FARP1: variants seen among roughly 807,000 people sequenced by gnomAD.
The protein encoded by FARP1 is FERM, ARHGEF and pleckstrin domain-containing protein 1.
In FARP1, 52 loss-of-function variants were observed where a neutral mutation model predicts 128.8. The ratio of observed to expected loss-of-function variants is 0.40; its 90% CI spans 0.32 to 0.51. The LOEUF is 0.51. Ranked by LOEUF, FARP1 falls within the 20% of genes least tolerant of loss-of-function variation. FARP1 has a pLI of 0.45. For synonymous variants in FARP1, 580 were observed against 551.8 expected, an observed-to-expected ratio of 1.05 and a Z score of -0.72; for missense variants, 1,333 against 1,367.9, an observed-to-expected ratio of 0.97 and a Z score of 0.40.
Position 98,260,877 on chromosome 13 carries a change from A to T in FARP1, c.171+47464A>T, listed in dbSNP as rs75679878. 4.2e-3 allele frequency among the ~76,000 whole-genome samples: 643 copies of T among 152,308 alleles called. 6 individuals are homozygous for T. The highest frequency in any genetic ancestry group is 0.014 in the African/African-American group (590 of 41,566). On this transcript the variant is annotated intron_variant, in intron 2 of 26. Transcript: ENST00000319562. ...GATAGGATACAAAGGCCAGGACACA[A>T]TTCCAAATCCCAGGGGGCTGGAGAG...
chr13:98,395,671 G>T, intron 13 of FARP1, 195 bp downstream of exon 13: 1 of 639,972 alleles, frequency 1.6e-6, no homozygotes, highest in South Asian at 3.2e-5. Flanking sequence ...CAGGGAGGAG[G>T]GGCGAAGAGA....
chr13:98,438,541 A>C (rs890071677), intron 19 of FARP1, among the ~76,000 whole-genome samples: 1 of 152,074 alleles, frequency 6.6e-6, no homozygotes, highest in Non-Finnish European at 1.5e-5. Context: ...GAGACAGATG[A>C]TCCCTAGAGA....
chr13:98,318,921 T>C (rs1566872795), intron 2 of FARP1, among the ~76,000 whole-genome samples: 1 of 152,016 alleles, frequency 6.6e-6, no homozygotes, highest in Non-Finnish European at 1.5e-5. Flanking sequence ...TATGTACCTG[T>C]TGCTTCCTTT....
At chr13:98,437,594 G>A (rs1040614043) in intron 19 of FARP1, among the ~76,000 whole-genome samples, 4 of 152,162 alleles carry the variant, frequency 2.6e-5, no homozygotes, top group East Asian at 1.9e-4. Context: ...TGATAACGCC[G>A]CGGTTGCAGC....
At chr13:98,395,090 C>A (rs1353913846) in intron 12 of FARP1, 137 bp from the exon 13 acceptor site, 2 of 1,007,814 alleles carry the variant, frequency 2.0e-6, no homozygotes, top group Admixed American at 5.8e-5. Flanking sequence ...TGCTGCTAGG[C>A]CAGAGAGCTC....
intron 16 of FARP1, among the ~76,000 whole-genome samples, chr13:98,417,746 C>T (rs974124563): frequency 6.6e-5 from 10 of 152,104 alleles, no homozygotes; most frequent in African/African-American, 1.2e-4. Context: ...ATTGTGTTGC[C>T]GTGATGCTAG....
intron 2 of FARP1, among the ~76,000 whole-genome samples, chr13:98,243,290 C>G (rs749603106): frequency 8.5e-5 from 13 of 152,052 alleles, no homozygotes; most frequent in Non-Finnish European, 1.3e-4. Context: ...TCAGATATAC[C>G]AAAGCGTGGT....
chr13:98,371,895 T>C (rs1264958373), intron 5 of FARP1, among the ~76,000 whole-genome samples: 6 of 152,176 alleles, frequency 3.9e-5, no homozygotes, highest in African/African-American at 1.4e-4. Context: ...TTGATATAGA[T>C]AGGAGATTAA....
chr13:98,300,281 A>T (rs1885867882), intron 2 of FARP1, among the ~76,000 whole-genome samples: 1 of 152,158 alleles, frequency 6.6e-6, no homozygotes, highest in South Asian at 2.1e-4. Context: ...CTTTCACGTT[A>T]GTCACTTAGA....
At chr13:98,166,065 C>G (rs1421075338) in intron 1 of FARP1, among the ~76,000 whole-genome samples, 1 of 151,992 alleles carries the variant, frequency 6.6e-6, no homozygotes, top group African/African-American at 2.4e-5. Context: ...AGTAGCATAC[C>G]CTAAATATGG....
chr13:98,389,741 A>G (rs1890235549), intron 9 of FARP1: 1 of 481,212 alleles, frequency 2.1e-6, no homozygotes, highest in African/African-American at 1.9e-5. Flanking sequence ...TTACCCGTCT[A>G]AGAGATTCTG....
At chr13:98,339,701 A>G (rs1219740505) in intron 2 of FARP1, among the ~76,000 whole-genome samples, 1 of 152,224 alleles carries the variant, frequency 6.6e-6, no homozygotes, top group Admixed American at 6.5e-5. Flanking sequence ...ATAAGTTGAC[A>G]TCACCCTATA....
intron 2 of FARP1, among the ~76,000 whole-genome samples, chr13:98,272,114 G>C (rs2389986): frequency 0.84 from 127,575 of 152,026 alleles, 53,660 homozygotes; most frequent in East Asian, 1. Flanking sequence ...ACTGCAACCT[G>C]TACCTCCTGG....
At chr13:98,358,628 T>G (rs1888734369) in intron 3 of FARP1, among the ~76,000 whole-genome samples, 3 of 152,030 alleles carry the variant, frequency 2.0e-5, no homozygotes, top group Admixed American at 2.0e-4. Context: ...CAAAGTAAAG[T>G]TTTTTTGTTT....
At chr13:98,368,929 CT>C (rs58962751) in intron 5 of FARP1, among the ~76,000 whole-genome samples, 338 of 141,038 alleles carry the variant, frequency 2.4e-3, no homozygotes, top group African/African-American at 3.6e-3. Flanking sequence ...TTATATATAC[CT>C]TTTTTTTTTT....
chr13:98,245,336 C>T, intron 2 of FARP1: 10 of 985,348 alleles, frequency 1.0e-5, no homozygotes, highest in Non-Finnish European at 1.1e-5. Context: ...TATTGATAAG[C>T]ACTTTGTGGG....
At position 98,200,396 on chromosome 13, in the gene FARP1, C is replaced by T. The variant is rs868252825; in HGVS notation, c.-23-12824C>T. The stretch of plus-strand genomic sequence containing the variant: ...CTGGAATGCAACCTTCACCCCCCCC[C>T]CCTCCCCTTTGTGATTCAGTGGGGC... On this transcript the variant is annotated intron_variant, in intron 1 of 26. Transcript: ENST00000319562. 1.6e-4 allele frequency among the ~76,000 whole-genome samples: 24 copies of T among 147,156 alleles called. No individual in the cohort carries two copies. In the South Asian group the frequency reaches 1.8e-3, roughly 11 times the overall value.
At chr13:98,227,184 C>A (rs549977703) in intron 2 of FARP1, among the ~76,000 whole-genome samples, 3 of 152,220 alleles carry the variant, frequency 2.0e-5, no homozygotes, top group South Asian at 4.2e-4. Context: ...CCTCATGATC[C>A]GCCCGCCTTG....
chr13:98,440,410 T>C (rs1459070568), intron 23 of FARP1, among the ~76,000 whole-genome samples, 175 bp downstream of exon 23: 2 of 152,196 alleles, frequency 1.3e-5, no homozygotes, highest in Non-Finnish European at 2.9e-5. Context: ...GAAATCGGCA[T>C]GAGGGAGCTG....
Sources: gnomAD v4.1 joint callset for allele counts (sites outside exome capture counted in the v4.1 genomes callset) on GRCh38, gnomAD v4.1.1 for gene constraint, MANE v1.5 for transcripts, NCBI Gene and HGNC (gene_info 2026-07-23, HGNC 2026-07-21) for gene names.